Variants in NOMO3 observed in about 807,000 individuals in gnomAD.
NOMO3 encodes the protein BOS complex subunit NOMO3.
Under a neutral mutation model 69.9 loss-of-function variants are expected in NOMO3, and 15 were observed. That is an observed-to-expected ratio of 0.21 (90% CI 0.14 to 0.33). The LOEUF is 0.33. NOMO3 is among the 10% of genes least tolerant of loss of function. The pLI is 1.00. For missense variants in NOMO3, 218 were observed against 761.0 expected (o/e 0.29, Z 8.39); for synonymous variants, 89 against 301.9 (o/e 0.29, Z 7.31).
intron 11 of NOMO3, among the ~76,000 whole-genome samples, chr16:16,259,341 AT>A (rs1249825771): frequency 2.1e-5 from 3 of 142,872 alleles, no homozygotes; most frequent in South Asian, 4.4e-4. Flanking sequence ...ACTTCTTACT[AT>A]TTCTTTTCCT....
chr16:16,258,842 G>C (rs879136348), intron 11 of NOMO3, among the ~76,000 whole-genome samples: 3 of 142,046 alleles, frequency 2.1e-5, no homozygotes, highest in African/African-American at 2.9e-5. Flanking sequence ...TCCAGCCTGG[G>C]CGACAGGGTG....
chr16:16,268,043 G>A (rs2049633154), intron 16 of NOMO3, among the ~76,000 whole-genome samples: 1 of 132,972 alleles, frequency 7.5e-6, no homozygotes, highest in Admixed American at 7.3e-5. Flanking sequence ...TGTTTTTGAA[G>A]TTTATCTGTG....
chr16:16,257,809 A>G (rs375318), intron 11 of NOMO3, among the ~76,000 whole-genome samples: 17 of 144,074 alleles, frequency 1.2e-4, no homozygotes, highest in Non-Finnish European at 1.9e-4. Flanking sequence ...GATGGAGGTC[A>G]AGGTCAAGGA....
At position 16,232,713 on chromosome 16, in the gene NOMO3, C is replaced by T. The variant is rs891784012; in HGVS notation, c.47C>T (p.Thr16Ile). Residue 16 changes from threonine to isoleucine, a missense_variant, in exon 1 of 31, where the codon ACC becomes ATC. Thr to Ile is a moderately conservative substitution (Grantham distance 89). Transcript: ENST00000399336. ...GGGCCGCTGGGGCCCGCGGTGGTCA[C>T]CGCCGCGGTGGTGCTGCTGCTGAGC... Reference protein sequence around the residue: ...GAGPLGPAVVTAAVVLLLSGV... With the variant: ...GAGPLGPAVVIAAVVLLLSGV... 34 of 768,936 alleles carry T rather than the reference C, an allele frequency of 4.4e-5. No individual in the cohort carries two copies. The highest frequency in any genetic ancestry group is 4.2e-4 in the Middle Eastern group (1 of 2,358). 47.6% of individuals were successfully genotyped at this position (768,936 alleles called of 1,614,324 possible).
intron 12 of NOMO3, 66 bp from the exon 13 acceptor site, chr16:16,263,008 G>A (rs1320063598): frequency 7.6e-6 from 12 of 1,574,494 alleles, no homozygotes; most frequent in Admixed American, 3.5e-5. Flanking sequence ...ATGTTCTAGC[G>A]CCCTGTAGGT....
Position 16,256,164 on chromosome 16 carries a change from C to T in NOMO3, c.1220+6C>T, listed in dbSNP as rs371304716. On this transcript the variant is annotated splice_donor_region_variant and intron_variant, in intron 11 of 30. Coordinates refer to ENST00000399336, the MANE Select transcript of NOMO3 (RefSeq NM_001004067.4). ...GCTGACATTGTTGCAACAGGGTAAG[C>T]TTATCGTGTGGATTTGGAAGCACCA... 2 of 1,587,964 alleles carry T rather than the reference C, an allele frequency of 1.3e-6. No individual in the cohort carries two copies. The highest frequency in any genetic ancestry group is 1.7e-6 in the Non-Finnish European group (2 of 1,175,080).
chr16:16,237,907 G>C (rs2049341469), intron 2 of NOMO3, among the ~76,000 whole-genome samples: 1 of 144,448 alleles, frequency 6.9e-6, no homozygotes, highest in Non-Finnish European at 1.5e-5. Context: ...TAGTTATTCA[G>C]ATATCCACGG....
intron 9 of NOMO3, among the ~76,000 whole-genome samples, chr16:16,255,138 G>A (rs567489312): frequency 7.0e-6 from 1 of 143,326 alleles, no homozygotes; most frequent in African/African-American, 2.9e-5. Context: ...GTCTTGGACT[G>A]CTGACCTCAA....
At position 16,242,013 on chromosome 16, in the gene NOMO3, C is replaced by T. The variant is rs1327301831; in HGVS notation, c.302-1148C>T. Reference sequence around the variant, plus strand: ...CCACATCCTAACCTACACTTGATATCGTCAGTTTTTTTTAATTTTAGCCCT... The same window carrying T: ...CCACATCCTAACCTACACTTGATATTGTCAGTTTTTTTTAATTTTAGCCCT... On this transcript the variant is annotated intron_variant, in intron 3 of 30. Coordinates refer to ENST00000399336, the MANE Select transcript of NOMO3 (RefSeq NM_001004067.4). Among the ~76,000 whole-genome samples, 51 of 143,290 alleles carry T rather than the reference C, an allele frequency of 3.6e-4. 6 individuals carry two copies. Among genetic ancestry groups the T allele is most frequent in the Non-Finnish European group, 6.4e-4 (43 of 67,238 alleles). 94.0% of individuals were successfully genotyped at this position (143,290 alleles called of 152,430 possible). A position where few individuals can be genotyped will look rare whatever the true frequency, so the allele number is the denominator to read the frequency against.
Position 16,232,821 on chromosome 16 carries a change from C to T in NOMO3, c.155C>T (p.Ser52Phe). The T allele has an allele frequency of 2.2e-6, 1 of 451,298 alleles. No individual in the cohort carries two copies. The highest frequency in any genetic ancestry group is 3.1e-6 in the Non-Finnish European group (1 of 321,368). 28.0% of individuals were successfully genotyped at this position (451,298 alleles called of 1,614,324 possible). A position where few individuals can be genotyped will look rare whatever the true frequency, so the allele number is the denominator to read the frequency against. ...AAGTCGGACGTGGAGATCAACTACTCTCTCATCGAGGTGAGCGCCCGCCCC... is the reference window on the plus strand; with the variant it reads ...AAGTCGGACGTGGAGATCAACTACTTTCTCATCGAGGTGAGCGCCCGCCCC... ...FVKSDVEINY[S>F]LIEIKLYTKH... is the part of the protein sequence containing the mutation. Residue 52 changes from serine to phenylalanine, a missense_variant, in exon 1 of 31, where the codon TCT (serine) becomes TTT (phenylalanine). Coordinates refer to ENST00000399336, the MANE Select transcript of NOMO3 (RefSeq NM_001004067.4).
chr16:16,243,596 C>T (rs2141248902), intron 4 of NOMO3, among the ~76,000 whole-genome samples: 1 of 141,962 alleles, frequency 7.0e-6, no homozygotes, highest in Middle Eastern at 3.5e-3. Context: ...GCAGCCTCCA[C>T]CTCCCAGGTT....
At chr16:16,262,650 C>A (rs2049574081) in intron 12 of NOMO3, among the ~76,000 whole-genome samples, 1 of 106,756 alleles carries the variant, frequency 9.4e-6, no homozygotes, top group African/African-American at 4.6e-5. Context: ...CCATGAAAGG[C>A]ACGCACAACA....
intron 15 of NOMO3, among the ~76,000 whole-genome samples, chr16:16,265,975 G>A (rs1435295045): frequency 2.1e-5 from 3 of 145,728 alleles, no homozygotes; most frequent in Non-Finnish European, 2.9e-5. Flanking sequence ...GATTACAGGC[G>A]TGAGCCATTG....
intron 11 of NOMO3, among the ~76,000 whole-genome samples, chr16:16,256,378 T>C (rs1305100029): frequency 8.9e-6 from 1 of 111,850 alleles, no homozygotes; most frequent in Admixed American, 8.6e-5. Flanking sequence ...CAGGTTCAAG[T>C]GATTCTCCTG....
At position 16,232,652 on chromosome 16, in the gene NOMO3, G is replaced by A. The variant is rs2049291037; in HGVS notation, c.-15G>A. On this transcript the variant is annotated 5_prime_UTR_variant, in exon 1 of 31. Coordinates refer to ENST00000399336, the MANE Select transcript of NOMO3 (RefSeq NM_001004067.4). ...CCGGCTGCCGGCGGTGGGTCTAGCT[G>A]GGGGAGGTCGGGCCATGCTGGTGGG... is the stretch of plus-strand genomic sequence containing the variant. 1.6e-6 allele frequency: 1 copy of A among 638,084 alleles called. No homozygotes were observed. The highest frequency in any genetic ancestry group is 2.2e-6 in the Non-Finnish European group (1 of 456,764). The allele number at this position is 638,084 out of a possible 1,614,324, so 39.5% of individuals were successfully genotyped here. A position where few individuals can be genotyped will look rare whatever the true frequency, so the allele number is the denominator to read the frequency against.
intron 11 of NOMO3, among the ~76,000 whole-genome samples, chr16:16,257,656 G>A (rs1235066382): frequency 7.0e-6 from 1 of 142,710 alleles, no homozygotes; most frequent in Non-Finnish European, 1.5e-5. Context: ...GGGACCTAGG[G>A]AGCCTGAGGT....
intron 2 of NOMO3, among the ~76,000 whole-genome samples, chr16:16,237,515 C>A (rs1209346896): frequency 6.9e-6 from 1 of 143,892 alleles, no homozygotes; most frequent in Middle Eastern, 3.2e-3. Flanking sequence ...GTAGTGATAA[C>A]CTCTGATAAT....
chr16:16,259,417 C>T lies in NOMO3; in HGVS notation c.1221-2085C>T, dbSNP rs548852129. On this transcript the variant is annotated intron_variant, in intron 11 of 30. Transcript: ENST00000399336. ...AGGCTGGAGTACGGTGGCGCCATCTCGGCTCACTGCAGCCTCCGCCTCTCG... is the reference window on the plus strand; with the variant it reads ...AGGCTGGAGTACGGTGGCGCCATCTTGGCTCACTGCAGCCTCCGCCTCTCG... 3.5e-5 allele frequency among the ~76,000 whole-genome samples: 5 copies of T among 141,250 alleles called. 1 individual carries two copies. Among genetic ancestry groups the T allele is most frequent in the East Asian group, 4.6e-4 (2 of 4,384 alleles). The allele number at this position is 141,250 out of a possible 152,430, so 92.7% of individuals were successfully genotyped here. A position where few individuals can be genotyped will look rare whatever the true frequency, so the allele number is the denominator to read the frequency against.
intron 9 of NOMO3, among the ~76,000 whole-genome samples, chr16:16,253,053 C>CT (rs1385087390): frequency 7.7e-5 from 10 of 130,532 alleles, no homozygotes. Context: ...AGGCTGTTCT[C>CT]TAACTCCTGG....
Sources: allele counts gnomAD v4.1 joint callset (sites outside exome capture counted in the v4.1 genomes callset), GRCh38; gene constraint gnomAD v4.1.1; transcripts MANE v1.5; gene names NCBI Gene and HGNC (gene_info 2026-07-23, HGNC 2026-07-21).